TTC29: variants seen among roughly 807,000 people sequenced by gnomAD.
TTC29 encodes the protein tetratricopeptide repeat domain 29, also known as tetratricopeptide repeat protein 29.
A neutral mutation model predicts 58.1 loss-of-function variants in TTC29; 49 were observed. That is an observed-to-expected ratio of 0.84 (90% CI 0.67 to 1.07). The LOEUF (loss-of-function observed/expected upper bound fraction) is 1.07. Among genes scored for constraint, TTC29 ranks in the 50% least tolerant of loss-of-function variants. The pLI is 0.00. For missense variants in TTC29, 582 were observed against 555.6 expected (o/e 1.05, Z -0.48); for synonymous variants, 209 against 196.8 (o/e 1.06, Z -0.52).
intron 11 of TTC29, among the ~76,000 whole-genome samples, chr4:146,777,003 G>A (rs1043349548): frequency 6.6e-6 from 1 of 152,140 alleles, no homozygotes; most frequent in African/African-American, 2.4e-5. Context: ...CACTGGCGGT[G>A]GTGGTGGCGG....
At chr4:146,810,280 G>A (rs987856851) in intron 10 of TTC29, among the ~76,000 whole-genome samples, 3 of 152,044 alleles carry the variant, frequency 2.0e-5, no homozygotes, top group African/African-American at 7.2e-5. Flanking sequence ...GGGAGGGATA[G>A]CATTAGAAGA....
At chr4:146,861,129 A>G (rs1478652530) in intron 8 of TTC29, among the ~76,000 whole-genome samples, 2 of 152,182 alleles carry the variant, frequency 1.3e-5, no homozygotes, top group East Asian at 3.8e-4. Flanking sequence ...AAGTGAATTG[A>G]TATATTTAGG....
At chr4:146,730,847 G>C (rs1744280384) in intron 11 of TTC29, among the ~76,000 whole-genome samples, 1 of 152,186 alleles carries the variant, frequency 6.6e-6, no homozygotes. Context: ...AGAATAGGAA[G>C]GGAGGAATTA....
intron 10 of TTC29, among the ~76,000 whole-genome samples, chr4:146,815,421 A>C (rs1579740587): frequency 1.3e-5 from 2 of 152,200 alleles, no homozygotes; most frequent in East Asian, 3.8e-4. Flanking sequence ...GGTGGAGAAG[A>C]GTAGAAAGGA....
intron 4 of TTC29, among the ~76,000 whole-genome samples, chr4:146,934,572 A>C (rs1046486093): frequency 2.0e-5 from 3 of 152,138 alleles, no homozygotes; most frequent in African/African-American, 7.2e-5. Context: ...CCGTTGGGTT[A>C]TTGCTAATGT....
At chr4:146,839,523 T>C (rs892102308) in intron 8 of TTC29, among the ~76,000 whole-genome samples, 12 of 148,650 alleles carry the variant, frequency 8.1e-5, no homozygotes, top group Non-Finnish European at 1.5e-4. Context: ...TTTCACCAGT[T>C]TTACATGAAC....
At chr4:146,789,835 G>A (rs1749297808) in intron 11 of TTC29, among the ~76,000 whole-genome samples, 1 of 151,546 alleles carries the variant, frequency 6.6e-6, no homozygotes, top group Admixed American at 6.6e-5. Context: ...TCTTCACACA[G>A]CAGCCAAGGT....
intron 11 of TTC29, among the ~76,000 whole-genome samples, chr4:146,772,016 T>A (rs968675708): frequency 6.6e-6 from 1 of 152,194 alleles, no homozygotes; most frequent in East Asian, 1.9e-4. Flanking sequence ...ATGGTGAGCA[T>A]CTTCTTATAT....
intron 11 of TTC29, among the ~76,000 whole-genome samples, chr4:146,760,449 A>G (rs1746798032): frequency 6.6e-6 from 1 of 151,966 alleles, no homozygotes; most frequent in Non-Finnish European, 1.5e-5. Flanking sequence ...TAAAATTCAC[A>G]TGGTACCAAA....
At chr4:146,867,100 A>T (rs1442099597) in intron 8 of TTC29, among the ~76,000 whole-genome samples, 2 of 152,160 alleles carry the variant, frequency 1.3e-5, no homozygotes, top group African/African-American at 2.4e-5. Flanking sequence ...TATTTGCTTT[A>T]TAACTGCATT....
chr4:146,718,741 G>C (rs1163039728), intron 11 of TTC29, among the ~76,000 whole-genome samples: 1 of 151,918 alleles, frequency 6.6e-6, no homozygotes, highest in Non-Finnish European at 1.5e-5. Context: ...TTTTGCTTTT[G>C]TTGCTACACT....
intron 6 of TTC29, among the ~76,000 whole-genome samples, chr4:146,882,259 C>T (rs1731678205): frequency 1.3e-5 from 2 of 152,172 alleles, no homozygotes; most frequent in South Asian, 4.1e-4. Flanking sequence ...AATAAACCTC[C>T]CACAGTTGGT....
At chr4:146,874,345 A>G (rs1731117080) in intron 7 of TTC29, among the ~76,000 whole-genome samples, 1 of 152,158 alleles carries the variant, frequency 6.6e-6, no homozygotes, top group Admixed American at 6.6e-5. Context: ...ACCATGGGGA[A>G]TTTACAAACA....
chr4:146,826,859 G>A (rs1256952956), intron 9 of TTC29, among the ~76,000 whole-genome samples: 1 of 148,136 alleles, frequency 6.8e-6, no homozygotes, highest in Non-Finnish European at 1.5e-5. Context: ...TCAGTAAGGT[G>A]GCCTTCAAAC....
intron 11 of TTC29, among the ~76,000 whole-genome samples, chr4:146,794,787 C>T (rs2150107715): frequency 6.6e-6 from 1 of 152,066 alleles, no homozygotes; most frequent in East Asian, 1.9e-4. Context: ...AATACACAGC[C>T]TTTTTTTAAA....
chr4:146,726,106 C>T (rs1743764529), intron 11 of TTC29, among the ~76,000 whole-genome samples: 1 of 152,120 alleles, frequency 6.6e-6, no homozygotes, highest in African/African-American at 2.4e-5. Context: ...AACTCCTGTC[C>T]TCAAGTGATC....
chr4:146,869,549 T>G (rs992505342), intron 7 of TTC29, among the ~76,000 whole-genome samples: 1 of 152,096 alleles, frequency 6.6e-6, no homozygotes, highest in African/African-American at 2.4e-5. Flanking sequence ...AAAAACAGAA[T>G]AGAAGAACGA....
intron 11 of TTC29, among the ~76,000 whole-genome samples, chr4:146,797,173 G>T (rs1749889078): frequency 6.6e-6 from 1 of 152,160 alleles, no homozygotes; most frequent in South Asian, 2.1e-4. Flanking sequence ...TGTCTGCCTG[G>T]TGGAAACTGA....
At chr4:146,841,198 G>A (rs1319318983) in intron 8 of TTC29, among the ~76,000 whole-genome samples, 1 of 152,076 alleles carries the variant, frequency 6.6e-6, no homozygotes, top group African/African-American at 2.4e-5. Context: ...CAACATGTTT[G>A]GTGAAATTTG....
Sources: allele counts gnomAD v4.1 joint callset (sites outside exome capture counted in the v4.1 genomes callset), GRCh38; gene constraint gnomAD v4.1.1; transcripts MANE v1.5; gene names NCBI Gene and HGNC (gene_info 2026-07-23, HGNC 2026-07-21).